DOC2A: variants seen among roughly 807,000 people sequenced by gnomAD.
DOC2A encodes the protein double C2 domain alpha.
DOC2A carries 28 observed loss-of-function variants against 40.6 expected under a neutral mutation model. The ratio of observed to expected loss-of-function variants is 0.69; its 90% confidence interval spans 0.51 to 0.95. DOC2A has a LOEUF of 0.95. Ranked by LOEUF, DOC2A falls within the 40% of genes least tolerant of loss-of-function variation. The pLI, the probability that DOC2A is intolerant of heterozygous loss-of-function variation, is 0.00. For missense variants in DOC2A, 474 were observed against 552.5 expected (o/e 0.86, Z 1.42); for synonymous variants, 241 against 236.9 (o/e 1.02, Z -0.16).
upstream of DOC2A, chr16:30,011,190 GCA>G: frequency 1.5e-6 from 1 of 647,072 alleles, no homozygotes; most frequent in Non-Finnish European, 1.9e-6. Context: ...GCTCGCGCGC[GCA>G]CACTCACGCA....
chr16:30,009,464 C>A lies in DOC2A; in HGVS notation c.342+14G>T. On this transcript the variant is annotated intron_variant, in intron 3 of 10. Transcript: ENST00000350119. The surrounding 1 kb of genome is among the most constrained non-coding windows in gnomAD (Gnocchi z 4.1). ...GCAAACCGGGCCCGGGCTTGGGTGG[C>A]AGGGAGTGCCCACCTTGGCCCTGAG... The A allele has an allele frequency of 6.4e-7, 1 of 1,551,008 alleles. No individual in the cohort carries two copies.
At position 30,005,553 on chromosome 16, in the gene DOC2A, C is replaced by T. The variant is rs1001378835; in HGVS notation, c.*633G>A. 2.2e-5 allele frequency: 23 copies of T among 1,033,118 alleles called. No individual in the cohort carries two copies. The highest frequency in any genetic ancestry group is 6.5e-5 in the African/African-American group (4 of 61,202). The allele number at this position is 1,033,118 out of a possible 1,614,324, so 64.0% of individuals were successfully genotyped here. A position where few individuals can be genotyped will look rare whatever the true frequency, so the allele number is the denominator to read the frequency against. On this transcript the variant is annotated 3_prime_UTR_variant, in exon 11 of 11. Coordinates refer to ENST00000350119, the MANE Select transcript of DOC2A (RefSeq NM_003586.3). ...TTATTGATGCCCAGCTGCCATGCTC[C>T]GGCCACTGACACAACCAGAAAAGGC...
At chr16:30,011,986 G>T (rs1269318712), upstream of DOC2A, among the ~76,000 whole-genome samples, 1 of 151,680 alleles carries the variant, frequency 6.6e-6, no homozygotes, top group Non-Finnish European at 1.5e-5. Context: ...CCACCCCCAA[G>T]CCGCCCCCCT....
In DOC2A at chr16:30,019,243, G is replaced by A. The variant is rs762723166; in HGVS notation, c.-376+1940C>T. Among the ~76,000 whole-genome samples the A allele has an allele frequency of 2.9e-4, 44 of 152,274 alleles. No individual in the cohort carries two copies. In the Middle Eastern group the frequency reaches 0.014, roughly 47 times the overall value. On this transcript the variant is annotated intron_variant, in intron 1 of 5. Transcript: ENST00000574405. The stretch of plus-strand genomic sequence containing the variant: ...CGAAGTGGGAGAATCGTTTGAACCC[G>A]GGAGGCAGAGGTTGCGGTGAGCCGA...
In DOC2A at chr16:30,009,394, G is replaced by T; in HGVS notation, c.342+84C>A. On this transcript the variant is annotated intron_variant, in intron 3 of 10. Transcript: ENST00000350119. This position sits in a 1 kb window ranked among gnomAD's most constrained non-coding sequence, Gnocchi z 4.1. ...GGGGCAAGGGCAGGACGAAGGAGCAGGCCTGGGAAGGGAAGGAGGAATGGG... is the reference window on the plus strand; with the variant it reads ...GGGGCAAGGGCAGGACGAAGGAGCATGCCTGGGAAGGGAAGGAGGAATGGG... 1 of 1,498,938 alleles carries T rather than the reference G, an allele frequency of 6.7e-7. No homozygotes were observed. The highest frequency in any genetic ancestry group is 9.1e-7 in the Non-Finnish European group (1 of 1,100,350). The allele number at this position is 1,498,938 out of a possible 1,614,324, so 92.9% of individuals were successfully genotyped here. A position where few individuals can be genotyped will look rare whatever the true frequency, so the allele number is the denominator to read the frequency against.
chr16:30,007,369 T>C (rs1370617381), intron 5 of DOC2A, 70 bp from the exon 6 acceptor site: 7 of 1,606,290 alleles, frequency 4.4e-6, no homozygotes, highest in Admixed American at 1.7e-5. Flanking sequence ...GGAAGGGCCT[T>C]GGACCAGCCC....
chr16:30,019,378 T>C (rs11150581), intron 1 of DOC2A, among the ~76,000 whole-genome samples: 49,586 of 151,834 alleles, frequency 0.33, 8,799 homozygotes, highest in South Asian at 0.43. Flanking sequence ...CAGGTGTAGA[T>C]GACCCAGAGT....
chr16:30,005,947 T>C lies in DOC2A; in HGVS notation c.*239A>G, dbSNP rs1160140746. ...CCGGGCTCTGAGCACTGCCCGGGTG[T>C]GCAGATGATGGGGGGTTTGCATATT... On this transcript the variant is annotated 3_prime_UTR_variant, in exon 11 of 11. Transcript: ENST00000350119. 1 of 588,822 alleles carries C rather than the reference T, an allele frequency of 1.7e-6. No homozygotes were observed. The highest frequency in any genetic ancestry group is 2.9e-5 in the East Asian group (1 of 34,544). 36.5% of individuals were successfully genotyped at this position (588,822 alleles called of 1,614,324 possible).
Position 30,010,319 on chromosome 16 carries a change from G to A in DOC2A, c.-13-84C>T. On this transcript the variant is annotated intron_variant, in intron 1 of 10. Transcript: ENST00000350119. The surrounding 1 kb of genome is among the most constrained non-coding windows in gnomAD (Gnocchi z 4.2). Reference sequence around the variant, plus strand: ...CAGGCGACGGCCTCCTCGGTCTGTGGGGCCCTCACTGGCCTCCCTTCCTAG... The same window carrying A: ...CAGGCGACGGCCTCCTCGGTCTGTGAGGCCCTCACTGGCCTCCCTTCCTAG... 1 of 1,567,596 alleles carries A rather than the reference G, an allele frequency of 6.4e-7. No individual in the cohort carries two copies.
At chr16:30,019,049 G>A (rs1281826458) in intron 1 of DOC2A, 2 of 152,390 alleles carry the variant, frequency 1.3e-5, no homozygotes, top group East Asian at 3.8e-4. Flanking sequence ...TGGGCGAGGT[G>A]ACTCATGCCT....
chr16:30,021,828 CT>C (rs1195006807), upstream of DOC2A: 5 of 152,396 alleles, frequency 3.3e-5, no homozygotes, highest in Admixed American at 2.0e-4. Flanking sequence ...CCCTGTGCCC[CT>C]GGATCTGCGG....
Position 30,009,276 on chromosome 16 carries a change from C to T in DOC2A, c.343G>A (p.Gly115Ser), listed in dbSNP as rs767004365. 9 of 1,556,894 alleles carry T rather than the reference C, an allele frequency of 5.8e-6. No individual in the cohort carries two copies. The South Asian group carries it at 1.1e-4, about 18-fold the overall frequency. ...TLHCSILRAK[G>S]LKPMDFNGLA... ...CCATTGAAATCCATGGGCTTGAGGCCCTGGAGAGGAGGGCAGGGGAGAGGG... is the reference window on the plus strand; with the variant it reads ...CCATTGAAATCCATGGGCTTGAGGCTCTGGAGAGGAGGGCAGGGGAGAGGG... The change falls in exon 4 of 11, where the codon GGC becomes AGC. Residue 115 changes from glycine to serine, a missense_variant and splice_region_variant. Transcript: ENST00000350119. The surrounding 1 kb of genome is among the most constrained non-coding windows in gnomAD (Gnocchi z 4.1).
rs34061843 is a variant in DOC2A, at chr16:30,018,103, C to CA, written c.-376+3079dup. Among the ~76,000 whole-genome samples, 393 of 61,552 alleles carry CA rather than the reference C, an allele frequency of 6.4e-3. 9 individuals are homozygous for CA. Among genetic ancestry groups the CA allele is most frequent in the Middle Eastern group, 0.018 (2 of 110 alleles). The allele number at this position is 61,552 out of a possible 152,430, so 40.4% of individuals were successfully genotyped here. A position where few individuals can be genotyped will look rare whatever the true frequency, so the allele number is the denominator to read the frequency against. ...CAACATAGTGAAATCCTATTTCTAC[C>CA]AAAAAAAAAAAAAAAAAAAAAAAAA... On this transcript the variant is annotated intron_variant, in intron 1 of 5. Transcript: ENST00000574405.
intron 1 of DOC2A, among the ~76,000 whole-genome samples, chr16:30,018,279 C>CA (rs59765302): frequency 0.35 from 41,365 of 118,906 alleles, 7,033 homozygotes; most frequent in South Asian, 0.46. Context: ...GATGCTGTCT[C>CA]AAAAAAAAAA....
In DOC2A at chr16:30,010,787, C is replaced by T. The variant is rs1034483991; in HGVS notation, c.-14+116G>A. The T allele has an allele frequency of 1.3e-5, 10 of 798,178 alleles. No homozygotes were observed. Among genetic ancestry groups the T allele is most frequent in the Non-Finnish European group, 1.5e-5 (10 of 651,142 alleles). The allele number at this position is 798,178 out of a possible 1,614,324, so 49.4% of individuals were successfully genotyped here. ...CAGCCTCAGATGCCACCTCTGGCTC[C>T]TCAGGGGAGCCAGAAATTGCAGCCG... is the stretch of plus-strand genomic sequence containing the variant. On this transcript the variant is annotated intron_variant, in intron 1 of 10. Transcript: ENST00000350119. The surrounding 1 kb of genome is among the most constrained non-coding windows in gnomAD (Gnocchi z 4.2).
chr16:30,012,875 ATG>A (rs145570804), upstream of DOC2A, among the ~76,000 whole-genome samples: 2,899 of 151,696 alleles, frequency 0.019, 103 homozygotes, highest in African/African-American at 0.065. Flanking sequence ...GCGTGGTGGT[ATG>A]TGTCTTGGGA....
At chr16:30,020,200 C>T (rs957363705) in intron 1 of DOC2A, among the ~76,000 whole-genome samples, 9 of 151,962 alleles carry the variant, frequency 5.9e-5, no homozygotes, top group Admixed American at 2.6e-4. Flanking sequence ...TGAGCCACCG[C>T]GCCCAGCCTT....
rs2070581569 is a variant in DOC2A, at chr16:30,006,221, G to A, written c.1168C>T (p.Leu390=). 6.3e-7 allele frequency: 1 copy of A among 1,590,298 alleles called. No individual in the cohort carries two copies. The highest frequency in any genetic ancestry group is 1.3e-5 in the African/African-American group (1 of 74,734). Residue 390 remains leucine, a synonymous_variant, in exon 11 of 11, where the codon CTG becomes TTG. Transcript: ENST00000350119. This position sits in a 1 kb window ranked among gnomAD's most constrained non-coding sequence, Gnocchi z 6.2. The stretch of plus-strand genomic sequence containing the variant: ...GACAGAGCCCCGGCCGCAGGGGGCA[G>A]CTCACTGGTCAGGGTGTGCCAGCGC... ...LERWHTLTSE[L]PPAAGALSSA
chr16:30,018,103 CAAAAAAAAA>C (rs34061843), intron 1 of DOC2A, among the ~76,000 whole-genome samples: 7 of 61,580 alleles, frequency 1.1e-4, no homozygotes, highest in Non-Finnish European at 1.5e-4. Context: ...CTATTTCTAC[CAAAAAAAAA>C]AAAAAAAAAA....
Sources: allele counts gnomAD v4.1 joint callset (sites outside exome capture counted in the v4.1 genomes callset), GRCh38; gene constraint gnomAD v4.1.1; non-coding constraint Gnocchi (gnomAD v3.1); transcripts MANE v1.5; gene names NCBI Gene and HGNC (gene_info 2026-07-23, HGNC 2026-07-21).